PTPRG: variants seen among roughly 807,000 people sequenced by gnomAD.
PTPRG encodes the protein receptor-type tyrosine-protein phosphatase gamma.
A neutral mutation model predicts 165.3 loss-of-function variants in PTPRG; 102 were observed. The observed-to-expected ratio is 0.62, with a 90% CI of 0.53 to 0.73. The LOEUF is 0.73. Ranked by LOEUF, PTPRG falls within the 30% of genes least tolerant of loss-of-function variation. The pLI is 0.00. For missense variants in PTPRG, 1,866 were observed against 1,861.4 expected, an observed-to-expected ratio of 1.00 and a Z score of -0.05; for synonymous variants, 675 against 669.5, an observed-to-expected ratio of 1.01 and a Z score of -0.13.
rs1333935932 is a variant in PTPRG at position 62,219,783 on chromosome 3, T to G, written c.2288+800T>G. 1.3e-5 allele frequency among the ~76,000 whole-genome samples: 2 copies of G among 152,246 alleles called. No homozygotes were observed. The highest frequency in any genetic ancestry group is 2.9e-5 in the Non-Finnish European group (2 of 68,040). On this transcript the variant is annotated intron_variant, in intron 13 of 29. Transcript: ENST00000474889. This position sits in a 1 kb window ranked among gnomAD's most constrained non-coding sequence, Gnocchi z 4.5. ...TTTGAGCCCACACTTTGTGCCAGTC[T>G]TCTAGACACAAATGATTTCTGAAGA...
At chr3:62,066,075 C>T (rs1701002913) in intron 4 of PTPRG, among the ~76,000 whole-genome samples, 1 of 152,052 alleles carries the variant, frequency 6.6e-6, no homozygotes, top group Admixed American at 6.5e-5. Context: ...GTCTTTGTGA[C>T]AAGCTTTCTT....
chr3:61,907,729 T>C (rs2038692314), intron 2 of PTPRG, among the ~76,000 whole-genome samples: 1 of 152,186 alleles, frequency 6.6e-6, no homozygotes, highest in Non-Finnish European at 1.5e-5. Context: ...GAAATCGGAC[T>C]GTCAGTGGGA....
intron 1 of PTPRG, among the ~76,000 whole-genome samples, chr3:61,726,854 T>C (rs2032279916): frequency 1.3e-5 from 2 of 152,258 alleles, no homozygotes; most frequent in South Asian, 4.1e-4. Flanking sequence ...CAGACCATCC[T>C]GGCTAACGCA....
In PTPRG at chr3:62,093,604, G is replaced by A. The variant is rs1048729687; in HGVS notation, c.615+15346G>A. Among the ~76,000 whole-genome samples, 6 of 152,340 alleles carry A rather than the reference G, an allele frequency of 3.9e-5. No homozygotes were observed. The East Asian group carries it at 1.2e-3, about 29-fold the overall frequency. ...ACCAGAGGACGGTATACGTTTTCAT[G>A]CTTCCTCCCTTGGAGATGAGCATGT... On this transcript the variant is annotated intron_variant, in intron 5 of 29. Coordinates refer to ENST00000474889, the MANE Select transcript of PTPRG (RefSeq NM_002841.4).
chr3:61,969,911 TG>T (rs1331729484), intron 2 of PTPRG, among the ~76,000 whole-genome samples: 3 of 152,190 alleles, frequency 2.0e-5, no homozygotes, highest in African/African-American at 7.2e-5. Context: ...TTAATTTATA[TG>T]GAAGTACAAC....
chr3:62,184,397 C>T (rs1488488168), intron 8 of PTPRG, among the ~76,000 whole-genome samples: 2 of 152,264 alleles, frequency 1.3e-5, no homozygotes, highest in African/African-American at 2.4e-5. Context: ...AAGTCCTACG[C>T]GGGCTGCTGA....
chr3:62,287,364 A>G (rs1702703722), intron 28 of PTPRG, among the ~76,000 whole-genome samples: 1 of 152,184 alleles, frequency 6.6e-6, no homozygotes, highest in Non-Finnish European at 1.5e-5. Context: ...AAAAACCACA[A>G]TAAATCAGAG....
At chr3:61,797,260 A>G (rs2035077090) in intron 2 of PTPRG, among the ~76,000 whole-genome samples, 1 of 152,198 alleles carries the variant, frequency 6.6e-6, no homozygotes, top group Non-Finnish European at 1.5e-5. Flanking sequence ...ACATTTTAAT[A>G]TCTCTGAAAT....
At chr3:61,889,970 A>T (rs1559672060) in intron 2 of PTPRG, among the ~76,000 whole-genome samples, 1 of 152,202 alleles carries the variant, frequency 6.6e-6, no homozygotes, top group Non-Finnish European at 1.5e-5. Flanking sequence ...AAACACATGG[A>T]ATTATTTTAG....
At chr3:62,136,885 C>T (rs970052507) in intron 6 of PTPRG, among the ~76,000 whole-genome samples, 4 of 152,098 alleles carry the variant, frequency 2.6e-5, no homozygotes, top group African/African-American at 7.2e-5. Context: ...TTATGTGCAG[C>T]GTGAAAACAG....
intron 8 of PTPRG, among the ~76,000 whole-genome samples, chr3:62,187,374 G>A (rs1699689394): frequency 6.6e-6 from 1 of 152,214 alleles, no homozygotes; most frequent in Non-Finnish European, 1.5e-5. Flanking sequence ...TGATCCACGG[G>A]CCGAAACTTA....
intron 2 of PTPRG, among the ~76,000 whole-genome samples, chr3:61,830,566 G>GTTTTTGTT (rs2036253232): frequency 5.8e-5 from 5 of 86,500 alleles, no homozygotes; most frequent in Non-Finnish European, 1.1e-4. Flanking sequence ...TTTTGTTTTT[G>GTTTTTGTT]TTTTTTTTTT....
rs185163128 is a variant in PTPRG, at chr3:61,732,450, A to T, written c.86-16428A>T. ...AAATTAGCTGGGCATGGTGGCGAGCACCTGTAGTCCCAGCTACTCGGGAGG... is the reference window on the plus strand; with the variant it reads ...AAATTAGCTGGGCATGGTGGCGAGCTCCTGTAGTCCCAGCTACTCGGGAGG... On this transcript the variant is annotated intron_variant, in intron 1 of 29. Transcript: ENST00000474889. 3.3e-3 allele frequency among the ~76,000 whole-genome samples: 494 copies of T among 151,994 alleles called. 1 individual carries two copies. Among genetic ancestry groups the T allele is most frequent in the Non-Finnish European group, 5.9e-3 (403 of 67,950 alleles).
chr3:62,075,365 G>A (rs563810526), intron 4 of PTPRG, among the ~76,000 whole-genome samples: 2 of 152,156 alleles, frequency 1.3e-5, no homozygotes, highest in East Asian at 1.9e-4. Context: ...TCTTGGGTTA[G>A]TAGTATTGTA....
At chr3:61,804,855 T>C (rs1428408298) in intron 2 of PTPRG, among the ~76,000 whole-genome samples, 4 of 152,232 alleles carry the variant, frequency 2.6e-5, no homozygotes, top group East Asian at 3.9e-4. Flanking sequence ...ATAGGATTTT[T>C]CCCCTTCCTG....
chr3:61,825,215 G>T (rs749456937), intron 2 of PTPRG, among the ~76,000 whole-genome samples: 1 of 152,172 alleles, frequency 6.6e-6, no homozygotes, highest in Non-Finnish European at 1.5e-5. Flanking sequence ...ACATTCATGT[G>T]TCTCAACACT....
intron 2 of PTPRG, among the ~76,000 whole-genome samples, chr3:61,916,720 GTC>G (rs2038946866): frequency 6.6e-6 from 1 of 152,108 alleles, no homozygotes; most frequent in Non-Finnish European, 1.5e-5. Flanking sequence ...CCTCATAACA[GTC>G]ATGTAGCATA....
At chr3:61,572,571 T>G (rs1700081800) in intron 1 of PTPRG, among the ~76,000 whole-genome samples, 1 of 152,224 alleles carries the variant, frequency 6.6e-6, no homozygotes, top group Non-Finnish European at 1.5e-5. Context: ...TCAGTCATTT[T>G]GCATTCATGC....
At chr3:61,576,708 C>T (rs532887915) in intron 1 of PTPRG, among the ~76,000 whole-genome samples, 236 of 152,198 alleles carry the variant, frequency 1.6e-3, no homozygotes, top group African/African-American at 5.4e-3. Flanking sequence ...CTACTGTATT[C>T]TTGGAAATAG....
Sources: allele counts gnomAD v4.1 joint callset (sites outside exome capture counted in the v4.1 genomes callset), GRCh38; gene constraint gnomAD v4.1.1; non-coding constraint Gnocchi (gnomAD v3.1); transcripts MANE v1.5; gene names NCBI Gene and HGNC (gene_info 2026-07-23, HGNC 2026-07-21).